Variants in NLGN4Y observed in about 807,000 individuals in gnomAD.
NLGN4Y encodes the protein neuroligin-4, Y-linked.
A neutral mutation model predicts 8.4 loss-of-function variants in NLGN4Y; 4 were observed. The ratio of observed to expected loss-of-function variants is 0.48; its 90% confidence interval spans 0.23 to 1.09. The LOEUF is 1.09. NLGN4Y is among the 50% of genes least tolerant of loss of function. The pLI is 0.19. For missense variants in NLGN4Y, 90 were observed against 192.3 expected (o/e 0.47, Z 3.15); for synonymous variants, 35 against 75.6 (o/e 0.46, Z 2.78).
chrY:14,570,891 T>C, intron 1 of NLGN4Y, among the ~76,000 whole-genome samples: 1 of 31,725 alleles, frequency 3.2e-5, no homozygotes, highest in South Asian at 7.2e-4. Context: ...TCTAACGGTT[T>C]CCAGCTTCAT....
intron 1 of NLGN4Y, among the ~76,000 whole-genome samples, chrY:14,541,523 A>T: frequency 8.9e-5 from 3 of 33,768 alleles, no homozygotes; most frequent in Non-Finnish European, 2.2e-4. Context: ...AAAGGTTGAA[A>T]TGAAGGAAAA....
chrY:14,545,700 G>A (rs2080170141), intron 1 of NLGN4Y, among the ~76,000 whole-genome samples: 2 of 33,188 alleles, frequency 6.0e-5, no homozygotes, highest in East Asian at 1.6e-3. Flanking sequence ...AGATGAGTAG[G>A]TTGCAAAAAT....
intron 1 of NLGN4Y, among the ~76,000 whole-genome samples, chrY:14,570,296 T>A: frequency 8.9e-5 from 3 of 33,664 alleles, no homozygotes; most frequent in Non-Finnish European, 2.2e-4. Flanking sequence ...GCGGTCTGGT[T>A]TGTATGACCT....
Position 14,842,980 on chromosome Y carries a change from T to G in NLGN4Y, c.*1718T>G. ...CCAAGAAACAGTAGCCAAAGATGTTTGAAGATCATGTCCCTTAGCTGCATT... is the reference window on the plus strand; with the variant it reads ...CCAAGAAACAGTAGCCAAAGATGTTGGAAGATCATGTCCCTTAGCTGCATT... On this transcript the variant is annotated 3_prime_UTR_variant, in exon 7 of 7. Transcript: ENST00000684976. The G allele has an allele frequency of 8.2e-6, 1 of 121,628 alleles. No individual in the cohort carries two copies. Among genetic ancestry groups the G allele is most frequent in the South Asian group, 3.9e-5 (1 of 25,688 alleles). The allele number at this position is 121,628 out of a possible 400,897, so 30.3% of individuals were successfully genotyped here.
chrY:14,549,596 T>C (rs2080184601), intron 1 of NLGN4Y, among the ~76,000 whole-genome samples: 1 of 33,382 alleles, frequency 3.0e-5, no homozygotes, highest in African/African-American at 1.2e-4. Context: ...GGAATACTGC[T>C]ACTATTCCAT....
At chrY:14,597,584 C>G (rs566680886) in intron 1 of NLGN4Y, among the ~76,000 whole-genome samples, 122 of 33,225 alleles carry the variant, frequency 3.7e-3, no homozygotes, top group African/African-American at 0.012. Context: ...GTGTCGATTG[C>G]TTCATTCACA....
intron 2 of NLGN4Y, among the ~76,000 whole-genome samples, chrY:14,685,870 A>G: frequency 3.0e-5 from 1 of 33,110 alleles, no homozygotes; most frequent in Non-Finnish European, 7.5e-5. Context: ...AGGAAAAACC[A>G]TAAAGACTTG....
intron 4 of NLGN4Y, among the ~76,000 whole-genome samples, chrY:14,779,635 G>A (rs2081140151): frequency 3.1e-5 from 1 of 32,780 alleles, no homozygotes; most frequent in Non-Finnish European, 7.5e-5. Flanking sequence ...AAAATAGATC[G>A]ATCTAATAAA....
chrY:14,803,588 T>G (rs2043045778), intron 4 of NLGN4Y, among the ~76,000 whole-genome samples: 1 of 32,546 alleles, frequency 3.1e-5, no homozygotes, highest in Non-Finnish European at 7.5e-5. Flanking sequence ...CTCTTCCACA[T>G]TCATAATTTT....
intron 4 of NLGN4Y, among the ~76,000 whole-genome samples, chrY:14,789,176 G>T: frequency 3.2e-5 from 1 of 30,960 alleles, no homozygotes; most frequent in Non-Finnish European, 7.7e-5. Flanking sequence ...CGCCATGTTG[G>T]TCAGGCTGAT....
intron 2 of NLGN4Y, among the ~76,000 whole-genome samples, chrY:14,686,029 G>A (rs2080788893): frequency 3.1e-5 from 1 of 32,754 alleles, no homozygotes; most frequent in Non-Finnish European, 7.5e-5. Flanking sequence ...TGAAGGCTGG[G>A]ACTTCAATGC....
intron 6 of NLGN4Y, 100 bp from the exon 7 acceptor site, chrY:14,840,313 T>G: frequency 3.6e-6 from 1 of 277,500 alleles, no homozygotes; most frequent in South Asian, 3.6e-5. Flanking sequence ...TAAATATATA[T>G]GAAGAGCAGA....
intron 5 of NLGN4Y, among the ~76,000 whole-genome samples, chrY:14,826,956 AC>A (rs2043150198): frequency 1.2e-4 from 4 of 33,507 alleles, no homozygotes; most frequent in African/African-American, 4.7e-4. Context: ...CTTTAAAGTA[AC>A]TGCAGGACTT....
chrY:14,757,531 A>G, intron 4 of NLGN4Y, among the ~76,000 whole-genome samples: 1 of 33,097 alleles, frequency 3.0e-5, no homozygotes, highest in Non-Finnish European at 7.4e-5. Context: ...TATTAGAATT[A>G]TGCATATATT....
At chrY:14,631,377 A>G in intron 2 of NLGN4Y, among the ~76,000 whole-genome samples, 1 of 33,789 alleles carries the variant, frequency 3.0e-5, no homozygotes, top group Admixed American at 2.7e-4. Flanking sequence ...GCTAGTTTTT[A>G]AATTTTTTTA....
intron 4 of NLGN4Y, among the ~76,000 whole-genome samples, chrY:14,790,699 C>A (rs2042982510): frequency 3.0e-5 from 1 of 33,104 alleles, no homozygotes; most frequent in African/African-American, 1.2e-4. Context: ...ATAAGTTTCC[C>A]ATTCACAGAG....
At position 14,649,031 on chromosome Y, in the gene NLGN4Y, C is replaced by A. The variant is rs375877496; in HGVS notation, c.472+26440C>A. On this transcript the variant is annotated intron_variant, in intron 2 of 6. Coordinates refer to ENST00000684976, the MANE Select transcript of NLGN4Y (RefSeq NM_001365588.1). The stretch of plus-strand genomic sequence containing the variant: ...AAAAAAAAAAAAAAATTGATATTTT[C>A]TTTCCCCCACAGTTGTCATATACAA... 4.0e-3 allele frequency among the ~76,000 whole-genome samples: 124 copies of A among 31,067 alleles called. No homozygotes were observed. The East Asian group carries it at 0.089, about 22-fold the overall frequency. The allele number at this position is 31,067 out of a possible 37,273, so 83.3% of individuals were successfully genotyped here. A position where few individuals can be genotyped will look rare whatever the true frequency, so the allele number is the denominator to read the frequency against.
chrY:14,762,093 T>C, intron 4 of NLGN4Y, among the ~76,000 whole-genome samples: 1 of 33,536 alleles, frequency 3.0e-5, no homozygotes, highest in Admixed American at 2.7e-4. Context: ...AGTTCAAGGC[T>C]ACAGTGAGCT....
At chrY:14,735,029 T>C (rs754274318) in intron 4 of NLGN4Y, among the ~76,000 whole-genome samples, 1 of 34,322 alleles carries the variant, frequency 2.9e-5, no homozygotes, top group South Asian at 6.3e-4. Context: ...AGAGCGTGCC[T>C]CTAAGTATCA....
Sources: allele counts gnomAD v4.1 joint callset (sites outside exome capture counted in the v4.1 genomes callset), GRCh38; gene constraint gnomAD v4.1.1; transcripts MANE v1.5; gene names NCBI Gene and HGNC (gene_info 2026-07-23, HGNC 2026-07-21).